The following NRP1 variants were observed in gnomAD, a reference collection of about 807,000 sequenced individuals.
The protein encoded by NRP1 is neuropilin 1.
Under a neutral mutation model 106.7 loss-of-function variants are expected in NRP1, and 35 were observed. That is an observed-to-expected ratio of 0.33 (90% CI 0.25 to 0.43). The LOEUF (loss-of-function observed/expected upper bound fraction) is 0.43, where lower values mean the gene tolerates loss of function less well. Ranked by LOEUF, NRP1 falls within the 20% of genes least tolerant of loss-of-function variation. NRP1 has a pLI of 1.00. For synonymous variants in NRP1, 437 were observed against 417.9 expected, an observed-to-expected ratio of 1.05 and a Z score of -0.56; for missense variants, 1,024 against 1,170.4, an observed-to-expected ratio of 0.87 and a Z score of 1.83.
intron 9 of NRP1, among the ~76,000 whole-genome samples, chr10:33,210,105 T>C (rs1167516586): frequency 6.6e-6 from 1 of 152,228 alleles, no homozygotes; most frequent in African/African-American, 2.4e-5. Context: ...TAGAAGTAAA[T>C]TAATTGGCCT....
chr10:33,209,627 C>A (rs1477165884), intron 9 of NRP1, among the ~76,000 whole-genome samples: 2 of 152,180 alleles, frequency 1.3e-5, no homozygotes, highest in African/African-American at 2.4e-5. Flanking sequence ...CAGGTGCCCA[C>A]CAACATGCCT....
At chr10:33,331,020 G>T in intron 1 of NRP1, 138 bp from the exon 2 acceptor site, 1 of 657,474 alleles carries the variant, frequency 1.5e-6, no homozygotes, top group Non-Finnish European at 2.5e-6. Flanking sequence ...AGTCCTTCGT[G>T]TGGCTCTGAG....
intron 2 of NRP1, among the ~76,000 whole-genome samples, chr10:33,313,905 T>G (rs1290305852): frequency 6.6e-6 from 1 of 152,160 alleles, no homozygotes; most frequent in Non-Finnish European, 1.5e-5. Context: ...GAAATGGAAA[T>G]GCAAACGTTT....
chr10:33,267,966 A>G (rs1419699824), intron 3 of NRP1, among the ~76,000 whole-genome samples: 1 of 152,120 alleles, frequency 6.6e-6, no homozygotes, highest in African/African-American at 2.4e-5. Context: ...CACACCGGAA[A>G]CCTCAAGGCC....
chr10:33,226,945 GT>G (rs1839721931), intron 6 of NRP1, among the ~76,000 whole-genome samples: 1 of 152,096 alleles, frequency 6.6e-6, no homozygotes. Flanking sequence ...ACCACCTTGG[GT>G]TTATGTCCTC....
chr10:33,189,635 C>T (rs1256334648), intron 13 of NRP1, among the ~76,000 whole-genome samples: 2 of 152,230 alleles, frequency 1.3e-5, no homozygotes, highest in Non-Finnish European at 2.9e-5. Flanking sequence ...TTCAGGAATC[C>T]TCTGAAAGGA....
At chr10:33,277,141 A>G (rs114216444) in intron 2 of NRP1, among the ~76,000 whole-genome samples, 1 of 152,030 alleles carries the variant, frequency 6.6e-6, no homozygotes, top group Non-Finnish European at 1.5e-5. Flanking sequence ...AAAATTGCTC[A>G]ATAAAAGTTT....
chr10:33,312,106 C>T lies in NRP1; in HGVS notation c.248+18602G>A, dbSNP rs182299427. 1.3e-4 allele frequency among the ~76,000 whole-genome samples: 20 copies of T among 152,276 alleles called. No individual in the cohort carries two copies. In the East Asian group the frequency reaches 3.9e-3, roughly 29 times the overall value. ...AGGAGAAAAGTGCAATTAATATATT[C>T]ACTCATTTTAGGTCCTGTTTACATT... On this transcript the variant is annotated intron_variant, in intron 2 of 16. Transcript: ENST00000374867.
chr10:33,260,982 G>T (rs1735813962), intron 4 of NRP1, among the ~76,000 whole-genome samples: 1 of 57,264 alleles, frequency 1.7e-5, no homozygotes, highest in East Asian at 7.6e-4. Context: ...TAGTGCCATT[G>T]ACCAAAAAAA....
intron 6 of NRP1, among the ~76,000 whole-genome samples, chr10:33,253,359 T>G (rs566115537): frequency 2.6e-5 from 4 of 152,178 alleles, no homozygotes; most frequent in African/African-American, 9.6e-5. Context: ...TGGGGATATG[T>G]AAGTGACAGC....
chr10:33,294,491 G>A lies in NRP1; in HGVS notation c.249-23635C>T, dbSNP rs111292179. ...AATTAGCCGGTCATTGGTGGCACAC[G>A]CCTGTAATCCCAGCTACTCGGGAGG... On this transcript the variant is annotated intron_variant, in intron 2 of 16. Coordinates refer to ENST00000374867, the MANE Select transcript of NRP1 (RefSeq NM_003873.7). Among the ~76,000 whole-genome samples, 468 of 151,962 alleles carry A rather than the reference G, an allele frequency of 3.1e-3. 2 individuals carry two copies. Among genetic ancestry groups the A allele is most frequent in the African/African-American group, 9.9e-3 (411 of 41,442 alleles).
chr10:33,248,379 T>G (rs1454148208), intron 6 of NRP1, among the ~76,000 whole-genome samples: 1 of 152,202 alleles, frequency 6.6e-6, no homozygotes, highest in African/African-American at 2.4e-5. Context: ...TAAAAATCTT[T>G]CAAGCAACCC....
chr10:33,192,530 T>C (rs1402128889), intron 12 of NRP1, 112 bp from the exon 13 acceptor site: 27 of 1,106,044 alleles, frequency 2.4e-5, no homozygotes, highest in Non-Finnish European at 3.2e-5. Flanking sequence ...TATACAACTT[T>C]ATGTCTGTTT....
At chr10:33,257,124 A>G (rs1389840039) in intron 4 of NRP1, among the ~76,000 whole-genome samples, 2 of 152,210 alleles carry the variant, frequency 1.3e-5, no homozygotes, top group Admixed American at 1.3e-4. Context: ...GACTACATAT[A>G]CCAATAATTT....
chr10:33,182,833 G>GTGCACACACACACACACA (rs1554773574), intron 15 of NRP1, 85 bp from the exon 16 acceptor site: 1 of 650,188 alleles, frequency 1.5e-6, no homozygotes, highest in African/African-American at 1.9e-5. Context: ...TTAGGTACAT[G>GTGCACACACACACACACA]CACACACACA....
chr10:33,310,867 G>T (rs1315656350), intron 2 of NRP1, among the ~76,000 whole-genome samples: 1 of 152,176 alleles, frequency 6.6e-6, no homozygotes, highest in Non-Finnish European at 1.5e-5. Context: ...ATGTGGGGAA[G>T]AAAAGACGAC....
intron 2 of NRP1, among the ~76,000 whole-genome samples, chr10:33,292,861 A>C (rs1845100840): frequency 6.6e-6 from 1 of 152,048 alleles, no homozygotes; most frequent in Non-Finnish European, 1.5e-5. Context: ...GGTGGCACAC[A>C]CCTGTAATCT....
chr10:33,279,808 A>T (rs185042861), intron 2 of NRP1, among the ~76,000 whole-genome samples: 1 of 152,180 alleles, frequency 6.6e-6, no homozygotes, highest in Non-Finnish European at 1.5e-5. Context: ...CCATCTTCTG[A>T]TACAGCAAAG....
intron 2 of NRP1, among the ~76,000 whole-genome samples, chr10:33,278,013 GT>G (rs1389358504): frequency 6.6e-6 from 1 of 152,006 alleles, no homozygotes; most frequent in African/African-American, 2.4e-5. Context: ...ACTTCTTGTA[GT>G]CCTTTCAATA....
Sources: allele counts gnomAD v4.1 joint callset (sites outside exome capture counted in the v4.1 genomes callset), GRCh38; gene constraint gnomAD v4.1.1; transcripts MANE v1.5; gene names NCBI Gene and HGNC (gene_info 2026-07-23, HGNC 2026-07-21).